The following FAM199X variants were observed in gnomAD, a reference collection of about 807,000 sequenced individuals.
The protein encoded by FAM199X is family with sequence similarity 199, X-linked, also known as protein FAM199X.
A neutral mutation model predicts 22.9 loss-of-function variants in FAM199X; 4 were observed. The observed-to-expected ratio is 0.17, with a 90% CI of 0.09 to 0.40. The LOEUF is 0.40. Ranked by LOEUF, FAM199X falls within the 10% of genes least tolerant of loss-of-function variation. The pLI is 1.00. For missense variants in FAM199X, 183 were observed against 306.8 expected (o/e 0.60, Z 3.01); for synonymous variants, 101 against 112.3 (o/e 0.90, Z 0.64).
At position 104,193,838 on chromosome X, in the gene FAM199X, A is replaced by G. The variant is rs1921996454; in HGVS notation, c.*4060A>G. Reference sequence around the variant, plus strand: ...TTAAAAATAAAATTATGCTAAGTGAATAAAAACTGAGATATTTTAAGCTAG... The same window carrying G: ...TTAAAAATAAAATTATGCTAAGTGAGTAAAAACTGAGATATTTTAAGCTAG... On this transcript the variant is annotated 3_prime_UTR_variant, in exon 6 of 6. Transcript: ENST00000493442. The G allele has an allele frequency of 8.9e-6, 1 of 112,035 alleles. No homozygotes were observed. Among genetic ancestry groups the G allele is most frequent in the Admixed American group, 9.5e-5 (1 of 10,566 alleles). The allele number at this position is 112,035 out of a possible 1,213,427, so 9.2% of individuals were successfully genotyped here. A position where few individuals can be genotyped will look rare whatever the true frequency, so the allele number is the denominator to read the frequency against.
Position 104,166,760 on chromosome X carries a change from G to A in FAM199X, c.-26G>A. 1 of 1,186,444 alleles carries A rather than the reference G, an allele frequency of 8.4e-7. No individual in the cohort carries two copies. Among genetic ancestry groups the A allele is most frequent in the Non-Finnish European group, 1.1e-6 (1 of 882,463 alleles). On this transcript the variant is annotated 5_prime_UTR_variant, in exon 1 of 6. Transcript: ENST00000493442. The stretch of plus-strand genomic sequence containing the variant: ...CGGGAGCAGCCCAGGGCCAGAGAGG[G>A]AGCCCGAGCCAGGCCATCTCCAACC...
At chrX:104,162,149 G>A (rs2041893317), upstream of FAM199X, among the ~76,000 whole-genome samples, 1 of 111,920 alleles carries the variant, frequency 8.9e-6, no homozygotes, top group Admixed American at 9.5e-5. Flanking sequence ...GCTTAGTTCT[G>A]ATTGGTGGAA....
rs1277278491 is a variant in FAM199X at position 104,166,520 on chromosome X, G to A, written c.-266G>A. ...GGCCGGGCGGCGGCGCTGCGCTGAC[G>A]GGCTGAGTCTGGCGGCGGCGGAAGC... On this transcript the variant is annotated 5_prime_UTR_variant, in exon 1 of 6. Transcript: ENST00000493442. 3 of 215,719 alleles carry A rather than the reference G, an allele frequency of 1.4e-5. No individual in the cohort carries two copies. The highest frequency in any genetic ancestry group is 5.8e-5 in the African/African-American group (2 of 34,229). The allele number at this position is 215,719 out of a possible 1,213,427, so 17.8% of individuals were successfully genotyped here.
At chrX:104,158,390 T>G in the FAM199X span, among the ~76,000 whole-genome samples, 17,118 of 111,573 alleles carry the variant, frequency 0.15, 1,191 homozygotes, top group Non-Finnish European at 0.23. Flanking sequence ...CTTCCTATAG[T>G]ACTGAAGACC....
chrX:104,179,316 A>G (rs1203277909), intron 2 of FAM199X, among the ~76,000 whole-genome samples: 1 of 111,765 alleles, frequency 8.9e-6, no homozygotes, highest in Non-Finnish European at 1.9e-5. Context: ...CTTTATTTCA[A>G]TGATGTTTTG....
chrX:104,171,913 A>G (rs1368385581), intron 1 of FAM199X, among the ~76,000 whole-genome samples: 4 of 111,826 alleles, frequency 3.6e-5, no homozygotes, highest in African/African-American at 1.3e-4. Context: ...AGGGAACACA[A>G]TCCTAGAAGG....
chrX:104,160,715 C>G, the FAM199X span, among the ~76,000 whole-genome samples: 2 of 112,179 alleles, frequency 1.8e-5, no homozygotes, highest in African/African-American at 6.5e-5. Context: ...AAACTTCAAT[C>G]ATAATATTGT....
At chrX:104,169,321 A>C (rs1556374834) in intron 1 of FAM199X, among the ~76,000 whole-genome samples, 1 of 112,278 alleles carries the variant, frequency 8.9e-6, no homozygotes. Flanking sequence ...TTGTAAAACA[A>C]ATTTTCATTG....
chrX:104,178,669 C>T (rs960631594), intron 2 of FAM199X, among the ~76,000 whole-genome samples: 1 of 111,731 alleles, frequency 9.0e-6, no homozygotes, highest in Admixed American at 9.5e-5. Flanking sequence ...ATCATCTTGG[C>T]ACCCTTTCGA....
upstream of FAM199X, among the ~76,000 whole-genome samples, chrX:104,163,143 G>A (rs959608033): frequency 1.9e-5 from 2 of 103,364 alleles, no homozygotes; most frequent in African/African-American, 3.7e-5. Context: ...CACACACTTC[G>A]AGCTCATCAA....
intron 1 of FAM199X, among the ~76,000 whole-genome samples, chrX:104,172,477 T>C: frequency 9.0e-6 from 1 of 110,563 alleles, no homozygotes; most frequent in South Asian, 3.8e-4. Context: ...AAAAATACTG[T>C]TATTCTATTT....
chrX:104,166,676 G>A lies in FAM199X; in HGVS notation c.-110G>A. On this transcript the variant is annotated 5_prime_UTR_variant, in exon 1 of 6. Coordinates refer to ENST00000493442, the MANE Select transcript of FAM199X (RefSeq NM_207318.4). ...GCCCAGCCTGCCAGTGAGCTGCGAC[G>A]GGCACACCCCGGAGCGTCGGCGACT... 5.8e-6 allele frequency: 4 copies of A among 694,380 alleles called. No homozygotes were observed. Among genetic ancestry groups the A allele is most frequent in the Non-Finnish European group, 8.1e-6 (4 of 491,975 alleles). The allele number at this position is 694,380 out of a possible 1,213,427, so 57.2% of individuals were successfully genotyped here. A position where few individuals can be genotyped will look rare whatever the true frequency, so the allele number is the denominator to read the frequency against.
At chrX:104,177,414 C>G (rs1193037566) in intron 2 of FAM199X, among the ~76,000 whole-genome samples, 1 of 112,087 alleles carries the variant, frequency 8.9e-6, no homozygotes, top group Non-Finnish European at 1.9e-5. Flanking sequence ...ATAAATAATA[C>G]TGCTGTGAAC....
chrX:104,181,254 A>C (rs1184478374), intron 2 of FAM199X, among the ~76,000 whole-genome samples: 1 of 112,644 alleles, frequency 8.9e-6, no homozygotes, highest in Non-Finnish European at 1.9e-5. Context: ...TCATAATATA[A>C]ATATGCCAAA....
At position 104,192,988 on chromosome X, in the gene FAM199X, A is replaced by C. The variant is rs1337496292; in HGVS notation, c.*3210A>C. On this transcript the variant is annotated 3_prime_UTR_variant, in exon 6 of 6. Transcript: ENST00000493442. ...TCTTCATATTTTAGCCAGAAATATTAGTACACAACCAATATAGAAGTCTTG... is the reference window on the plus strand; with the variant it reads ...TCTTCATATTTTAGCCAGAAATATTCGTACACAACCAATATAGAAGTCTTG... 1.8e-5 allele frequency: 2 copies of C among 111,997 alleles called. No individual in the cohort carries two copies. The highest frequency in any genetic ancestry group is 1.9e-4 in the Admixed American group (2 of 10,530). The allele number at this position is 111,997 out of a possible 1,213,427, so 9.2% of individuals were successfully genotyped here. A position where few individuals can be genotyped will look rare whatever the true frequency, so the allele number is the denominator to read the frequency against.
intron 1 of FAM199X, among the ~76,000 whole-genome samples, chrX:104,175,192 C>T (rs1480239936): frequency 1.8e-5 from 2 of 112,318 alleles, no homozygotes; most frequent in Non-Finnish European, 3.8e-5. Context: ...TGTCTGATTC[C>T]AGAGCTTACT....
At chrX:104,177,717 A>G (rs782561242) in intron 2 of FAM199X, among the ~76,000 whole-genome samples, 16 of 111,896 alleles carry the variant, frequency 1.4e-4, no homozygotes, top group African/African-American at 5.2e-4. Context: ...CTTATTGGCC[A>G]TTTGTGTGTC....
At chrX:104,179,690 G>T (rs1602518383) in intron 2 of FAM199X, among the ~76,000 whole-genome samples, 1 of 111,250 alleles carries the variant, frequency 9.0e-6, no homozygotes, top group Non-Finnish European at 1.9e-5. Flanking sequence ...AATAGAAGTG[G>T]TGAAAGTGAG....
chrX:104,183,251 CT>C (rs1170558395), intron 2 of FAM199X, among the ~76,000 whole-genome samples: 178 of 99,446 alleles, frequency 1.8e-3, no homozygotes, highest in Admixed American at 2.0e-3. Context: ...AGAAGTATCT[CT>C]TTTTTTTTTT....
Sources: gnomAD v4.1 joint callset for allele counts (sites outside exome capture counted in the v4.1 genomes callset) on GRCh38, gnomAD v4.1.1 for gene constraint, MANE v1.5 for transcripts, NCBI Gene and HGNC (gene_info 2026-07-23, HGNC 2026-07-21) for gene names.